The following NCOA7 variants were observed in gnomAD, a reference collection of about 807,000 sequenced individuals.
The protein encoded by NCOA7 is nuclear receptor coactivator 7.
NCOA7 carries 45 observed loss-of-function variants against 104.3 expected under a neutral mutation model. That is an observed-to-expected ratio of 0.43 (90% CI 0.34 to 0.55). The LOEUF (loss-of-function observed/expected upper bound fraction) is 0.55, where lower values mean the gene tolerates loss of function less well. Among genes scored for constraint, NCOA7 ranks in the 20% least tolerant of loss-of-function variants. The pLI, the probability that NCOA7 is intolerant of heterozygous loss-of-function variation, is 0.02. For missense variants in NCOA7, 1,041 were observed against 1,119.7 expected, an observed-to-expected ratio of 0.93 and a Z score of 1.00; for synonymous variants, 398 against 402.3, an observed-to-expected ratio of 0.99 and a Z score of 0.13.
chr6:125,911,263 GAAGC>G (rs1290095616), intron 10 of NCOA7, among the ~76,000 whole-genome samples: 3 of 152,226 alleles, frequency 2.0e-5, no homozygotes, highest in Non-Finnish European at 4.4e-5. Context: ...AGGAGGGCTA[GAAGC>G]AAGGAGCCAG....
chr6:125,899,039 A>G (rs1309597013), intron 10 of NCOA7, among the ~76,000 whole-genome samples: 1 of 152,106 alleles, frequency 6.6e-6, no homozygotes, highest in Admixed American at 6.5e-5. Flanking sequence ...GTATATGTAA[A>G]TTGCTTTTCC....
At chr6:125,786,925 T>C (rs1774497846), upstream of NCOA7, among the ~76,000 whole-genome samples, 1 of 152,074 alleles carries the variant, frequency 6.6e-6, no homozygotes, top group African/African-American at 2.4e-5. Flanking sequence ...GGCAGATGGA[T>C]TGCTTGAGCC....
rs557629559 is a variant in NCOA7, at chr6:125,848,541, A to G, written c.51-6479A>G. 5.6e-4 allele frequency among the ~76,000 whole-genome samples: 85 copies of G among 152,280 alleles called. 1 individual carries two copies. Among genetic ancestry groups the G allele is most frequent in the Non-Finnish European group, 7.4e-5 (5 of 68,008 alleles). On this transcript the variant is annotated intron_variant, in intron 2 of 15. Transcript: ENST00000392477. ...TGGAAACCATCATTCTCAGCAAACT[A>G]TCACAAGGACAGAAAACCAAACACC...
At chr6:125,866,961 T>A (rs1782490595) in intron 3 of NCOA7, among the ~76,000 whole-genome samples, 2 of 152,206 alleles carry the variant, frequency 1.3e-5, no homozygotes, top group Non-Finnish European at 2.9e-5. Flanking sequence ...TTATTTAAAT[T>A]GCATTTAAAC....
intron 2 of NCOA7, among the ~76,000 whole-genome samples, chr6:125,818,305 T>C (rs1777793998): frequency 6.6e-6 from 1 of 152,154 alleles, no homozygotes; most frequent in Non-Finnish European, 1.5e-5. Flanking sequence ...AAACTGAGAA[T>C]ACAAACCAAA....
At chr6:125,840,692 A>AT (rs1428962132) in intron 2 of NCOA7, among the ~76,000 whole-genome samples, 2 of 150,284 alleles carry the variant, frequency 1.3e-5, no homozygotes, top group Non-Finnish European at 2.9e-5. Flanking sequence ...TAAAAAAAAA[A>AT]GAAAATTGTA....
chr6:125,920,423 A>T (rs541761406), intron 11 of NCOA7, among the ~76,000 whole-genome samples: 2 of 152,232 alleles, frequency 1.3e-5, no homozygotes, highest in Non-Finnish European at 2.9e-5. Flanking sequence ...TAGTCCTTTA[A>T]CAATTCAGAT....
chr6:125,827,129 G>A (rs1778727908), intron 2 of NCOA7, among the ~76,000 whole-genome samples: 1 of 149,314 alleles, frequency 6.7e-6, no homozygotes, highest in Admixed American at 6.7e-5. Flanking sequence ...AGAGGTTGTG[G>A]TGAGCTGAGA....
chr6:125,874,279 C>T (rs1583433846), intron 3 of NCOA7, among the ~76,000 whole-genome samples: 4 of 152,252 alleles, frequency 2.6e-5, no homozygotes, highest in South Asian at 4.1e-4. Flanking sequence ...GAGCCGAGAT[C>T]GTGCCGCTGC....
intron 7 of NCOA7, among the ~76,000 whole-genome samples, chr6:125,882,862 C>A (rs1783959401): frequency 6.6e-6 from 1 of 152,174 alleles, no homozygotes; most frequent in African/African-American, 2.4e-5. Flanking sequence ...GTCAGACTCA[C>A]TGAATTTAAA....
chr6:125,930,140 T>C lies in NCOA7; in HGVS notation c.*1369T>C, dbSNP rs966833268. 1 of 152,214 alleles carries C rather than the reference T, an allele frequency of 6.6e-6. No individual in the cohort carries two copies. The allele number at this position is 152,214 out of a possible 1,614,324, so 9.4% of individuals were successfully genotyped here. A position where few individuals can be genotyped will look rare whatever the true frequency, so the allele number is the denominator to read the frequency against. On this transcript the variant is annotated 3_prime_UTR_variant, in exon 16 of 16. Coordinates refer to ENST00000392477, the MANE Select transcript of NCOA7 (RefSeq NM_181782.5). ...TGGGAGGCCGAGGCAGGTGGATCAC[T>C]CAAGGTCACAAGTTTGAGACCAGTC...
intron 4 of NCOA7, among the ~76,000 whole-genome samples, chr6:125,876,999 A>T (rs930750327): frequency 1.3e-5 from 2 of 152,240 alleles, no homozygotes; most frequent in South Asian, 4.1e-4. Context: ...TCATAACAAT[A>T]TGAATATAGT....
chr6:125,881,160 CTG>C lies in NCOA7; in HGVS notation c.532_533del (p.Val178LeufsTer10), dbSNP rs1361098515. 2 of 1,613,960 alleles carry C rather than the reference CTG, an allele frequency of 1.2e-6. No individual in the cohort carries two copies. ...CTATCATCATCCAGTCCTGGTGCTA[CTG>C]TCTCTCCTTCATCATCAGATGCAGA... On this transcript the variant is annotated frameshift_variant, in exon 6 of 16. Transcript: ENST00000392477. LOFTEE classifies it high-confidence loss of function.
Position 125,890,827 on chromosome 6 carries a change from A to G in NCOA7, c.2096+17A>G, listed in dbSNP as rs370662154. The G allele has an allele frequency of 1.2e-5, 18 of 1,553,826 alleles. No individual in the cohort carries two copies. The highest frequency in any genetic ancestry group is 8.3e-5 in the African/African-American group (6 of 72,338). ...TCGGGAGAGGTGAGTATGGGCTACA[A>G]TGGAAAGTCTGTGGGTCTGTTAGGT... On this transcript the variant is annotated intron_variant, in intron 10 of 15. Coordinates refer to ENST00000392477, the MANE Select transcript of NCOA7 (RefSeq NM_181782.5).
At chr6:125,839,136 G>T (rs1253049989) in intron 2 of NCOA7, among the ~76,000 whole-genome samples, 1 of 151,822 alleles carries the variant, frequency 6.6e-6, no homozygotes, top group African/African-American at 2.4e-5. Context: ...GTTTGTTTTT[G>T]AGACAGAGTA....
intron 10 of NCOA7, chr6:125,913,746 C>T (rs529807456): frequency 5.5e-5 from 42 of 767,624 alleles, no homozygotes; most frequent in Admixed American, 3.1e-4. Flanking sequence ...AGGGAAACAA[C>T]AGCTCGGAAA....
intron 10 of NCOA7, among the ~76,000 whole-genome samples, chr6:125,912,876 AGTG>A (rs574908101): frequency 2.0e-3 from 304 of 152,336 alleles, no homozygotes; most frequent in African/African-American, 6.8e-3. Context: ...AAGTGAATAA[AGTG>A]GTCACCTATG....
At chr6:125,834,995 G>A (rs1044911509) in intron 2 of NCOA7, among the ~76,000 whole-genome samples, 6 of 152,154 alleles carry the variant, frequency 3.9e-5, no homozygotes, top group Admixed American at 6.5e-5. Flanking sequence ...TAGCTCCAGC[G>A]GGAAGTAAGA....
chr6:125,849,989 A>AT (rs1436878363), intron 2 of NCOA7, among the ~76,000 whole-genome samples: 1 of 152,108 alleles, frequency 6.6e-6, no homozygotes, highest in African/African-American at 2.4e-5. Flanking sequence ...TGCAAGACCA[A>AT]TTTTTTTCAG....
Sources: gnomAD v4.1 joint callset for allele counts (sites outside exome capture counted in the v4.1 genomes callset) on GRCh38, gnomAD v4.1.1 for gene constraint, MANE v1.5 for transcripts, NCBI Gene and HGNC (gene_info 2026-07-23, HGNC 2026-07-21) for gene names.